DDX60L: variants seen among roughly 807,000 people sequenced by gnomAD.
DDX60L encodes probable ATP-dependent RNA helicase DDX60-like.
A neutral mutation model predicts 211.6 loss-of-function variants in DDX60L; 191 were observed. The ratio of observed to expected loss-of-function variants is 0.90; its 90% CI spans 0.80 to 1.02. The LOEUF is 1.02. Among genes scored for constraint, DDX60L ranks in the 50% least tolerant of loss-of-function variants. DDX60L has a pLI of 0.00. For synonymous variants in DDX60L, 706 were observed against 694.1 expected (o/e 1.02, Z -0.27); for missense variants, 2,007 against 1,984.1 (o/e 1.01, Z -0.22).
chr4:168,366,581 A>T (rs1560922879), intron 36 of DDX60L, among the ~76,000 whole-genome samples: 1 of 151,654 alleles, frequency 6.6e-6, no homozygotes, highest in Non-Finnish European at 1.5e-5. Flanking sequence ...AATTTAATAC[A>T]ATCTCCATTA....
chr4:168,427,260 C>G lies in DDX60L; in HGVS notation c.1740G>C (p.Gln580His). ...SKKKSFLKED[Q>H]NKAQQNDDLL... Reference sequence around the variant, plus strand: ...GATCATCGTTTTGCTGAGCTTTGTTCTGATCTTCTTTGAGAAATGACTTTT... The same window carrying G: ...GATCATCGTTTTGCTGAGCTTTGTTGTGATCTTCTTTGAGAAATGACTTTT... The change falls in exon 14 of 38, where the codon CAG becomes CAC. Residue 580 changes from glutamine (Q) to histidine (H), a missense_variant. By Grantham distance (24) the Gln-to-His change is conservative. Coordinates refer to ENST00000682922, the MANE Select transcript of DDX60L (RefSeq NM_001012967.3). 6.2e-7 allele frequency: 1 copy of G among 1,613,768 alleles called. No individual in the cohort carries two copies. The highest frequency in any genetic ancestry group is 8.5e-7 in the Non-Finnish European group (1 of 1,179,808).
chr4:168,361,902 A>G (rs1739174542), intron 36 of DDX60L, among the ~76,000 whole-genome samples: 1 of 152,170 alleles, frequency 6.6e-6, no homozygotes, highest in Non-Finnish European at 1.5e-5. Flanking sequence ...TTCATGACCT[A>G]AGCAGCTATG....
chr4:168,401,092 G>C, intron 25 of DDX60L, 114 bp from the exon 26 acceptor site: 1 of 947,556 alleles, frequency 1.1e-6, no homozygotes, highest in Non-Finnish European at 1.5e-6. Context: ...TCCTAGGCCA[G>C]GGCACTCTAA....
chr4:168,400,993 A>G lies in DDX60L; in HGVS notation c.3339-15T>C. 1 of 1,605,940 alleles carries G rather than the reference A, an allele frequency of 6.2e-7. No individual in the cohort carries two copies. The highest frequency in any genetic ancestry group is 8.5e-7 in the Non-Finnish European group (1 of 1,177,300). On this transcript the variant is annotated splice_polypyrimidine_tract_variant and intron_variant, in intron 25 of 37. Transcript: ENST00000682922. ...CATTCTTAAACCTTAAAACAAATGA[A>G]AACAGTGCTTTGAAAAGACTATGTT...
chr4:168,360,348 T>C (rs907280760), intron 37 of DDX60L, among the ~76,000 whole-genome samples: 4 of 152,220 alleles, frequency 2.6e-5, no homozygotes, highest in African/African-American at 9.6e-5. Context: ...TTGGTAGCTA[T>C]AAGCCACTTG....
At chr4:168,421,703 C>G (rs1426540798) in intron 17 of DDX60L, 57 bp downstream of exon 17, 4 of 1,596,168 alleles carry the variant, frequency 2.5e-6, no homozygotes, top group Non-Finnish European at 3.4e-6. Flanking sequence ...CGTGTGCATT[C>G]TTTTTAAAGG....
intron 1 of DDX60L, among the ~76,000 whole-genome samples, chr4:168,474,958 T>C (rs996385478): frequency 5.3e-5 from 8 of 152,156 alleles, no homozygotes; most frequent in African/African-American, 1.7e-4. Flanking sequence ...CACAGCTAGA[T>C]ATATCCTGAT....
At chr4:168,479,503 C>T (rs1018062351) in intron 1 of DDX60L, among the ~76,000 whole-genome samples, 1 of 152,140 alleles carries the variant, frequency 6.6e-6, no homozygotes, top group Non-Finnish European at 1.5e-5. Flanking sequence ...TCATTAGGAG[C>T]TTTCATAATC....
chr4:168,476,197 A>AAACT (rs66557563), intron 1 of DDX60L: 2 of 50,932 alleles, frequency 3.9e-5, no homozygotes, highest in East Asian at 2.8e-3. Flanking sequence ...TGCAATGAAA[A>AAACT]AACAAACACT....
chr4:168,398,731 G>A (rs1003588418), intron 26 of DDX60L, among the ~76,000 whole-genome samples: 3 of 152,138 alleles, frequency 2.0e-5, no homozygotes, highest in Admixed American at 6.5e-5. Context: ...CTCAACAGAC[G>A]ACCAGCTTCC....
intron 8 of DDX60L, among the ~76,000 whole-genome samples, chr4:168,449,147 C>CT (rs1755275503): frequency 6.6e-6 from 1 of 152,090 alleles, no homozygotes; most frequent in South Asian, 2.1e-4. Context: ...ATTCCTCTCA[C>CT]TTTGGGGTCA....
intron 8 of DDX60L, among the ~76,000 whole-genome samples, chr4:168,449,020 T>G (rs940007930): frequency 1.3e-5 from 2 of 152,202 alleles, no homozygotes; most frequent in African/African-American, 4.8e-5. Context: ...TATAGTACGC[T>G]GTTCCCTTAA....
intron 13 of DDX60L, among the ~76,000 whole-genome samples, 192 bp downstream of exon 13, chr4:168,430,286 A>G (rs1238240498): frequency 6.6e-6 from 1 of 152,182 alleles, no homozygotes; most frequent in Non-Finnish European, 1.5e-5. Flanking sequence ...CAGAACTGTG[A>G]GCCAATTAAA....
rs903473144 is a variant in DDX60L at position 168,403,994 on chromosome 4, G to A, written c.3326C>T (p.Ala1109Val). 2.0e-5 allele frequency: 29 copies of A among 1,459,426 alleles called. No individual in the cohort carries two copies. Among genetic ancestry groups the A allele is most frequent in the Non-Finnish European group, 2.4e-5 (26 of 1,088,894 alleles). The allele number at this position is 1,459,426 out of a possible 1,614,324, so 90.4% of individuals were successfully genotyped here. The change falls in exon 25 of 38, where the codon GCA becomes GTA. Residue 1109 changes from alanine to valine, a missense_variant. Coordinates refer to ENST00000682922, the MANE Select transcript of DDX60L (RefSeq NM_001012967.3). ...EKLRQMDKLP[A>V]IFFLFKNDDV... The stretch of plus-strand genomic sequence containing the variant: ...TTCAGTTACTTACAAAAAAAATATT[G>A]CAGGCAACTTATCCATTTGTCTTAA...
At chr4:168,460,769 T>A (rs573967669) in intron 5 of DDX60L, among the ~76,000 whole-genome samples, 24 of 152,280 alleles carry the variant, frequency 1.6e-4, no homozygotes, top group African/African-American at 5.8e-4. Context: ...TCCAACAAGA[T>A]TGCCTCCCAC....
rs1745726639 is a variant in DDX60L at position 168,396,118 on chromosome 4, T to C, written c.3498A>G (p.Lys1166=). ...KVRKTQKRIT[K]KNPKKAEKLE... is the part of the protein sequence containing the mutation. Reference sequence around the variant, plus strand: ...GTTTTTCAGCCTTCTTTGGGTTTTTTTTAGTGCTACTATTTAAAAAAAAAA... The same window carrying C: ...GTTTTTCAGCCTTCTTTGGGTTTTTCTTAGTGCTACTATTTAAAAAAAAAA... Residue 1166 remains lysine, a synonymous_variant, in exon 27 of 38, where the codon AAA becomes AAG. Transcript: ENST00000682922. The C allele has an allele frequency of 1.0e-5, 15 of 1,483,684 alleles. No individual in the cohort carries two copies. Among genetic ancestry groups the C allele is most frequent in the Non-Finnish European group, 1.2e-5 (13 of 1,109,058 alleles). The allele number at this position is 1,483,684 out of a possible 1,614,324, so 91.9% of individuals were successfully genotyped here.
In DDX60L at chr4:168,427,290, A is replaced by G. The variant is rs1217803255; in HGVS notation, c.1710T>C (p.Ser570=). ...CTTCTTTGAGAAATGACTTTTTCTT[A>G]CTCTTTTTGGTAATTTGGTGGGGTT... The part of the protein sequence containing the change: ...NTKPHQITKK[S]KKKSFLKEDQ... The change falls in exon 14 of 38, where the codon AGT becomes AGC. Residue 570 remains serine, a synonymous_variant. Coordinates refer to ENST00000682922, the MANE Select transcript of DDX60L (RefSeq NM_001012967.3). 1 of 1,613,272 alleles carries G rather than the reference A, an allele frequency of 6.2e-7. No homozygotes were observed. Among genetic ancestry groups the G allele is most frequent in the Non-Finnish European group, 8.5e-7 (1 of 1,179,752 alleles).
chr4:168,473,198 G>A (rs1759037849), intron 1 of DDX60L, among the ~76,000 whole-genome samples: 1 of 152,202 alleles, frequency 6.6e-6, no homozygotes, highest in Admixed American at 6.5e-5. Context: ...GTCAGATAAG[G>A]TTAGAGAAAA....
intron 9 of DDX60L, among the ~76,000 whole-genome samples, chr4:168,442,131 G>A (rs568758247): frequency 6.6e-6 from 1 of 152,200 alleles, no homozygotes; most frequent in African/African-American, 2.4e-5. Flanking sequence ...AGTGGGCACA[G>A]GTCAGTGGGT....
Sources: allele counts gnomAD v4.1 joint callset (sites outside exome capture counted in the v4.1 genomes callset), GRCh38; gene constraint gnomAD v4.1.1; transcripts MANE v1.5; gene names NCBI Gene and HGNC (gene_info 2026-07-23, HGNC 2026-07-21).